The following UBR3 variants were observed in gnomAD, a reference collection of about 807,000 sequenced individuals.
The protein encoded by UBR3 is E3 ubiquitin-protein ligase UBR3.
UBR3 carries 85 observed loss-of-function variants against 243.2 expected under a neutral mutation model. The ratio of observed to expected loss-of-function variants is 0.35; its 90% CI spans 0.29 to 0.42. The LOEUF is 0.42. Among genes scored for constraint, UBR3 ranks in the 10% least tolerant of loss-of-function variants. The probability of loss-of-function intolerance (pLI) is 1.00; values close to 1 mark genes in which losing one functional copy is unlikely to be tolerated. For missense variants in UBR3, 1,686 were observed against 2,300.8 expected (o/e 0.73, Z 5.47); for synonymous variants, 748 against 799.8 (o/e 0.94, Z 1.09).
chr2:169,931,489 A>T (rs936172885), intron 18 of UBR3, among the ~76,000 whole-genome samples: 28 of 152,118 alleles, frequency 1.8e-4, no homozygotes, highest in Admixed American at 7.9e-4. Context: ...GAAACTAGGG[A>T]CAGTGGTTAA....
chr2:170,001,413 G>A lies in UBR3; in HGVS notation c.4028G>A (p.Arg1343Gln), dbSNP rs148482968. ...CATAAATCTTACATGGAATCATTAC[G>A]GGTAAGTTGATTGCAAAAATTTTTT... is the stretch of plus-strand genomic sequence containing the variant. ...DCHKSYMESL[R>Q]NDQVLQGFSV... Residue 1343 changes from arginine (R) to glutamine (Q), a missense_variant and splice_region_variant, in exon 27 of 39, where the codon CGG becomes CAG. By Grantham distance (43) the Arg-to-Gln change is conservative. Transcript: ENST00000272793. 385 of 1,607,002 alleles carry A rather than the reference G, an allele frequency of 2.4e-4. No individual in the cohort carries two copies. The highest frequency in any genetic ancestry group is 3.1e-4 in the Non-Finnish European group (370 of 1,175,062).
chr2:169,857,773 C>T (rs1240923494), intron 1 of UBR3, among the ~76,000 whole-genome samples: 1 of 151,182 alleles, frequency 6.6e-6, no homozygotes, highest in Non-Finnish European at 1.5e-5. Context: ...GGCAAGATTT[C>T]ACTGTTTCCC....
intron 22 of UBR3, chr2:169,948,051 T>A: frequency 1.8e-6 from 1 of 552,046 alleles, no homozygotes; most frequent in East Asian, 1.5e-4. Context: ...TGGTTAAATT[T>A]AAAAGAAGGT....
intron 5 of UBR3, among the ~76,000 whole-genome samples, chr2:169,881,763 A>T (rs1205611744): frequency 2.2e-5 from 3 of 138,970 alleles, no homozygotes; most frequent in Non-Finnish European, 4.6e-5. Context: ...TATATTAATA[A>T]ATTATATATA....
At chr2:169,888,723 A>G (rs568975532) in intron 5 of UBR3, among the ~76,000 whole-genome samples, 2 of 152,198 alleles carry the variant, frequency 1.3e-5, no homozygotes, top group East Asian at 3.8e-4. Context: ...TTATAATGAC[A>G]TATTTTCCCT....
chr2:170,072,464 C>G (rs1445343697), intron 35 of UBR3, among the ~76,000 whole-genome samples: 2 of 151,910 alleles, frequency 1.3e-5, no homozygotes, highest in Non-Finnish European at 2.9e-5. Context: ...GGAGATATAC[C>G]TAATGCTAAA....
chr2:169,916,802 C>G (rs1308055381), intron 11 of UBR3, among the ~76,000 whole-genome samples: 1 of 152,068 alleles, frequency 6.6e-6, no homozygotes, highest in African/African-American at 2.4e-5. Context: ...CTGGTCTGCC[C>G]TGCTGTGTGG....
chr2:170,057,943 G>A (rs1191093824), intron 33 of UBR3, among the ~76,000 whole-genome samples: 2 of 152,116 alleles, frequency 1.3e-5, no homozygotes, highest in Admixed American at 1.3e-4. Context: ...ATAGCAGTTT[G>A]TAAATGCCTG....
At chr2:169,876,084 CT>C (rs547614070) in intron 3 of UBR3, 135 bp downstream of exon 3, 61,054 of 416,276 alleles carry the variant, frequency 0.15, 150 homozygotes, top group Non-Finnish European at 0.17. Context: ...AAGAGAACTT[CT>C]TTTTTTTTTT....
intron 8 of UBR3, among the ~76,000 whole-genome samples, chr2:169,903,828 G>A (rs1041779000): frequency 1.3e-5 from 2 of 152,076 alleles, no homozygotes; most frequent in Admixed American, 6.6e-5. Flanking sequence ...TGAGTCCAGC[G>A]TGGGCAACAT....
At chr2:170,001,622 G>T (rs768077918) in intron 27 of UBR3, among the ~76,000 whole-genome samples, 2 of 152,002 alleles carry the variant, frequency 1.3e-5, no homozygotes, top group Non-Finnish European at 2.9e-5. Flanking sequence ...CTAGCCAGAC[G>T]CAGTGGTTCA....
At chr2:170,046,635 A>C (rs1232557966) in intron 32 of UBR3, among the ~76,000 whole-genome samples, 1 of 152,208 alleles carries the variant, frequency 6.6e-6, no homozygotes, top group African/African-American at 2.4e-5. Context: ...TCTTTATGTG[A>C]CAGTAGAAGC....
chr2:169,965,170 T>C (rs1024649919), intron 24 of UBR3, among the ~76,000 whole-genome samples: 5 of 152,218 alleles, frequency 3.3e-5, no homozygotes, highest in Non-Finnish European at 7.3e-5. Flanking sequence ...GTTGTTCTGC[T>C]TTTAATGACT....
intron 24 of UBR3, among the ~76,000 whole-genome samples, chr2:169,981,737 T>C (rs1280780975): frequency 4.6e-5 from 7 of 152,194 alleles, no homozygotes; most frequent in Admixed American, 3.3e-4. Flanking sequence ...ACCATGCTAA[T>C]GTAAAGTTTA....
chr2:170,036,093 G>A (rs1318589143), intron 31 of UBR3, among the ~76,000 whole-genome samples: 2 of 151,766 alleles, frequency 1.3e-5, no homozygotes, highest in African/African-American at 2.4e-5. Flanking sequence ...CTACATAGAC[G>A]ACCATGTAAT....
chr2:170,030,804 T>A (rs1301396425), intron 31 of UBR3, among the ~76,000 whole-genome samples: 1 of 152,150 alleles, frequency 6.6e-6, no homozygotes, highest in South Asian at 2.1e-4. Context: ...CCTTGACTTA[T>A]ATTTTATTGT....
chr2:169,917,065 G>A (rs966671519), intron 11 of UBR3, among the ~76,000 whole-genome samples: 3 of 152,056 alleles, frequency 2.0e-5, no homozygotes, highest in South Asian at 4.1e-4. Flanking sequence ...AATCCCTCCT[G>A]CCCTGAATTA....
At chr2:169,873,251 C>A (rs1408081626) in intron 2 of UBR3, among the ~76,000 whole-genome samples, 3 of 152,120 alleles carry the variant, frequency 2.0e-5, no homozygotes, top group East Asian at 3.8e-4. Context: ...ATAATGTCCT[C>A]ATTTCTAAAA....
Position 170,032,759 on chromosome 2 carries a change from G to A in UBR3, c.4556+3311G>A, listed in dbSNP as rs80319226. Among the ~76,000 whole-genome samples the A allele has an allele frequency of 2.4e-4, 36 of 151,994 alleles. No homozygotes were observed. In the East Asian group the frequency reaches 6.2e-3, roughly 26 times the overall value. On this transcript the variant is annotated intron_variant, in intron 31 of 38. Coordinates refer to ENST00000272793, the MANE Select transcript of UBR3 (RefSeq NM_172070.4). ...TGCATAGTATGAGGAGGCACATGCT[G>A]TTGATTTATCTTGTTACTGATGATC...
Sources: allele counts gnomAD v4.1 joint callset (sites outside exome capture counted in the v4.1 genomes callset), GRCh38; gene constraint gnomAD v4.1.1; transcripts MANE v1.5; gene names NCBI Gene and HGNC (gene_info 2026-07-23, HGNC 2026-07-21).